The following CPPED1 variants were observed in gnomAD, a reference collection of about 807,000 sequenced individuals.
The protein encoded by CPPED1 is calcineurin like phosphoesterase domain containing 1.
In CPPED1, 28 loss-of-function variants were observed where a neutral mutation model predicts 28.0. The ratio of observed to expected loss-of-function variants is 1.00; its 90% CI spans 0.74 to 1.37. CPPED1 has a LOEUF of 1.37. Ranked by LOEUF, CPPED1 falls within the 40% of genes most tolerant of loss-of-function variation. The probability of loss-of-function intolerance (pLI) is 0.00; values close to 1 mark genes in which losing one functional copy is unlikely to be tolerated. For missense variants in CPPED1, 504 were observed against 416.5 expected (o/e 1.21, Z -1.83); for synonymous variants, 198 against 180.2 (o/e 1.10, Z -0.79).
chr16:12,695,366 G>A (rs1039002511), intron 3 of CPPED1, among the ~76,000 whole-genome samples: 3 of 152,094 alleles, frequency 2.0e-5, no homozygotes. Flanking sequence ...CGGGGCTCAA[G>A]CGATCCTCCC....
At chr16:12,722,066 G>A (rs1044254261) in intron 2 of CPPED1, among the ~76,000 whole-genome samples, 1 of 152,086 alleles carries the variant, frequency 6.6e-6, no homozygotes, top group Admixed American at 6.6e-5. Flanking sequence ...AAGAAAATAA[G>A]ACCTCGCTAA....
chr16:12,689,772 T>C (rs947131107), intron 3 of CPPED1, among the ~76,000 whole-genome samples: 2 of 152,050 alleles, frequency 1.3e-5, no homozygotes, highest in African/African-American at 4.8e-5. Flanking sequence ...ATCAGATTAC[T>C]GATGGATTCA....
intron 3 of CPPED1, among the ~76,000 whole-genome samples, chr16:12,702,254 G>C (rs955005763): frequency 4.6e-5 from 7 of 151,970 alleles, no homozygotes; most frequent in African/African-American, 7.3e-5. Context: ...TTCTCCCAAG[G>C]GTGCCCTGTT....
chr16:12,706,096 GAAAT>G (rs952016100), intron 2 of CPPED1, among the ~76,000 whole-genome samples: 31 of 152,130 alleles, frequency 2.0e-4, no homozygotes, highest in African/African-American at 7.0e-4. Flanking sequence ...TAACCCTAAT[GAAAT>G]AAATAAATAT....
At chr16:12,789,947 C>T (rs2080586673) in intron 1 of CPPED1, among the ~76,000 whole-genome samples, 1 of 152,172 alleles carries the variant, frequency 6.6e-6, no homozygotes, top group African/African-American at 2.4e-5. Flanking sequence ...CTGGCCACTT[C>T]CACATTTCGG....
intron 2 of CPPED1, among the ~76,000 whole-genome samples, chr16:12,705,633 C>T (rs958539577): frequency 6.6e-6 from 1 of 152,168 alleles, no homozygotes; most frequent in African/African-American, 2.4e-5. Context: ...GCACGGGCAC[C>T]TGTAATCCCA....
chr16:12,705,161 C>T (rs2080043355), intron 2 of CPPED1, 112 bp from the exon 3 acceptor site: 3 of 1,163,112 alleles, frequency 2.6e-6, no homozygotes, highest in Admixed American at 5.6e-5. Flanking sequence ...TGGAAATCCA[C>T]TCCACCTAGC....
chr16:12,714,628 T>C lies in CPPED1; in HGVS notation c.290-9579A>G, dbSNP rs1466448655. Among the ~76,000 whole-genome samples, 11 of 152,254 alleles carry C rather than the reference T, an allele frequency of 7.2e-5. No individual in the cohort carries two copies. The East Asian group carries it at 2.1e-3, about 29-fold the overall frequency. On this transcript the variant is annotated intron_variant, in intron 2 of 3. Coordinates refer to ENST00000381774, the MANE Select transcript of CPPED1 (RefSeq NM_018340.3). ...TTCAGATACTTTGCCCATTTTTCAG[T>C]TGGGTTATTTGTCTTTTCATTATTA...
At chr16:12,707,169 C>T (rs78677156) in intron 2 of CPPED1, among the ~76,000 whole-genome samples, 132 of 152,304 alleles carry the variant, frequency 8.7e-4, no homozygotes, top group Non-Finnish European at 1.6e-3. Flanking sequence ...TCTCTCAAAG[C>T]GACCCTTGTG....
intron 2 of CPPED1, among the ~76,000 whole-genome samples, chr16:12,768,275 AT>A (rs759418855): frequency 2.6e-5 from 4 of 152,198 alleles, no homozygotes; most frequent in Non-Finnish European, 5.9e-5. Context: ...GCCTTCTCAA[AT>A]GCTTCACTGA....
intron 2 of CPPED1, among the ~76,000 whole-genome samples, chr16:12,736,626 A>C (rs558034976): frequency 6.6e-6 from 1 of 152,324 alleles, no homozygotes; most frequent in African/African-American, 2.4e-5. Flanking sequence ...GTGAATACAA[A>C]GAAAAGGGAG....
At chr16:12,755,350 T>G (rs1437615833) in intron 2 of CPPED1, among the ~76,000 whole-genome samples, 1 of 148,296 alleles carries the variant, frequency 6.7e-6, no homozygotes, top group African/African-American at 2.5e-5. Context: ...GGCACGATCA[T>G]AGCTCACTGC....
At chr16:12,715,877 G>A (rs2080104732) in intron 2 of CPPED1, among the ~76,000 whole-genome samples, 2 of 152,172 alleles carry the variant, frequency 1.3e-5, no homozygotes. Flanking sequence ...CCCGTATGCA[G>A]CCCAGGATGG....
At chr16:12,701,420 G>C (rs1457231034) in intron 3 of CPPED1, among the ~76,000 whole-genome samples, 1 of 152,164 alleles carries the variant, frequency 6.6e-6, no homozygotes, top group Non-Finnish European at 1.5e-5. Context: ...TGTAATCCCA[G>C]TTACTCGGGA....
intron 2 of CPPED1, among the ~76,000 whole-genome samples, chr16:12,766,269 A>AGAGG (rs2080438328): frequency 1.4e-5 from 2 of 144,610 alleles, no homozygotes; most frequent in Admixed American, 1.4e-4. Context: ...AGAGAGAGAG[A>AGAGG]GAGAGAGGGA....
chr16:12,725,551 G>A (rs79816761), intron 2 of CPPED1, among the ~76,000 whole-genome samples: 3,318 of 152,164 alleles, frequency 0.022, 57 homozygotes, highest in East Asian at 0.1. Flanking sequence ...GAGGCTTAGT[G>A]CAGTCATATG....
At chr16:12,735,512 C>T (rs1232741702) in intron 2 of CPPED1, among the ~76,000 whole-genome samples, 1 of 152,220 alleles carries the variant, frequency 6.6e-6, no homozygotes, top group African/African-American at 2.4e-5. Context: ...ACCATGTTGG[C>T]CAGGCTGGCC....
At chr16:12,745,650 C>T (rs540413617) in intron 2 of CPPED1, among the ~76,000 whole-genome samples, 1 of 152,308 alleles carries the variant, frequency 6.6e-6, no homozygotes, top group South Asian at 2.1e-4. Flanking sequence ...AAGAAGGAAA[C>T]AACAGACACT....
chr16:12,667,926 T>G (rs11866956), intron 3 of CPPED1, among the ~76,000 whole-genome samples: 1 of 152,226 alleles, frequency 6.6e-6, no homozygotes, highest in East Asian at 1.9e-4. Flanking sequence ...CCTACTGACA[T>G]ATGGTGCAAT....
Sources: allele counts gnomAD v4.1 joint callset (sites outside exome capture counted in the v4.1 genomes callset), GRCh38; gene constraint gnomAD v4.1.1; transcripts MANE v1.5; gene names NCBI Gene and HGNC (gene_info 2026-07-23, HGNC 2026-07-21).